MGAT4A: variants seen among roughly 807,000 people sequenced by gnomAD.
MGAT4A encodes alpha-1,3-mannosyl-glycoprotein 4-beta-N-acetylglucosaminyltransferase A.
MGAT4A carries 33 observed loss-of-function variants against 74.1 expected under a neutral mutation model. That is an observed-to-expected ratio of 0.45 (90% CI 0.34 to 0.60). MGAT4A has a LOEUF of 0.60. Among genes scored for constraint, MGAT4A ranks in the 20% least tolerant of loss-of-function variants. MGAT4A has a pLI of 0.02. For missense variants in MGAT4A, 479 were observed against 628.3 expected, an observed-to-expected ratio of 0.76 and a Z score of 2.54; for synonymous variants, 198 against 210.4, an observed-to-expected ratio of 0.94 and a Z score of 0.51.
intron 9 of MGAT4A, 114 bp from the exon 10 acceptor site, chr2:98,644,167 A>G: frequency 9.3e-7 from 1 of 1,076,148 alleles, no homozygotes. Flanking sequence ...TCAACTATAA[A>G]TCATCATAAA....
In MGAT4A at chr2:98,640,155, T is replaced by C; in HGVS notation, c.1094A>G (p.His365Arg). 6.2e-7 allele frequency: 1 copy of C among 1,613,994 alleles called. No homozygotes were observed. The highest frequency in any genetic ancestry group is 8.5e-7 in the Non-Finnish European group (1 of 1,179,982). ...RPSLFQHVGL[H>R]SSLSGKIQKL... ...TTGGATTTTTCCTGATAGTGATGAG[T>C]GCAGACCAACATGTTGGAAAAGGGA... The change falls in exon 11 of 16, where the codon CAC becomes CGC. Residue 365 changes from histidine (H) to arginine (R), a missense_variant. His to Arg is a conservative substitution (Grantham distance 29). Around this residue, in one of 3 missense-constraint regions of MGAT4A, gnomAD observed 236 missense variants for 308.2 expected, o/e 0.77. Transcript: ENST00000393487.
chr2:98,683,818 G>T (rs1300770848), intron 2 of MGAT4A, among the ~76,000 whole-genome samples: 1 of 152,120 alleles, frequency 6.6e-6, no homozygotes, highest in Non-Finnish European at 1.5e-5. Context: ...CCATGCTTTT[G>T]GAAAGTTAGC....
In MGAT4A at chr2:98,620,354, G is replaced by T. The variant is rs1701043376; in HGVS notation, c.*5212C>A. On this transcript the variant is annotated 3_prime_UTR_variant, in exon 16 of 16. Coordinates refer to ENST00000393487, the MANE Select transcript of MGAT4A (RefSeq NM_012214.3). ...TTGGAAAAGTTCCTTTTCTATAAAG[G>T]GATTGGACTGGATAAAGTTCCCTTA... 1 of 152,024 alleles carries T rather than the reference G, an allele frequency of 6.6e-6. No homozygotes were observed. The highest frequency in any genetic ancestry group is 1.5e-5 in the Non-Finnish European group (1 of 67,998). The allele number at this position is 152,024 out of a possible 1,614,324, so 9.4% of individuals were successfully genotyped here.
chr2:98,661,404 T>C (rs1701748277), intron 5 of MGAT4A, among the ~76,000 whole-genome samples: 2 of 152,152 alleles, frequency 1.3e-5, no homozygotes, highest in African/African-American at 2.4e-5. Context: ...TTGTAGAACT[T>C]AAAACTGGTG....
intron 6 of MGAT4A, among the ~76,000 whole-genome samples, chr2:98,657,425 C>T (rs953456656): frequency 1.3e-5 from 2 of 152,104 alleles, no homozygotes; most frequent in Non-Finnish European, 2.9e-5. Context: ...GAAGTCTATG[C>T]CAAATTTTGT....
intron 8 of MGAT4A, among the ~76,000 whole-genome samples, chr2:98,649,236 G>A (rs1018935229): frequency 1.2e-4 from 19 of 152,166 alleles, no homozygotes; most frequent in African/African-American, 4.3e-4. Flanking sequence ...AAGGTTATCA[G>A]ACAGTACATA....
chr2:98,644,349 C>T (rs770326738), intron 9 of MGAT4A, among the ~76,000 whole-genome samples: 6 of 152,294 alleles, frequency 3.9e-5, no homozygotes, highest in South Asian at 4.1e-4. Flanking sequence ...ATTTTCCCTT[C>T]GTGTCTTACT....
chr2:98,647,742 C>G (rs762659358), intron 8 of MGAT4A, among the ~76,000 whole-genome samples: 1 of 152,226 alleles, frequency 6.6e-6, no homozygotes, highest in South Asian at 2.1e-4. Context: ...CAATAAAGCA[C>G]TTTATGAAAC....
chr2:98,694,903 C>T (rs60889948), intron 2 of MGAT4A: 40,296 of 153,818 alleles, frequency 0.26, 5,877 homozygotes, highest in Middle Eastern at 0.33. Context: ...ACACATTTGA[C>T]AATTTGATAA....
intron 2 of MGAT4A, among the ~76,000 whole-genome samples, chr2:98,683,643 G>T (rs913722325): frequency 6.6e-6 from 1 of 152,078 alleles, no homozygotes; most frequent in African/African-American, 2.4e-5. Context: ...GGTAGAAAGG[G>T]ATAGGAGTCT....
chr2:98,648,392 T>C (rs1039230979), intron 8 of MGAT4A, among the ~76,000 whole-genome samples: 5 of 151,754 alleles, frequency 3.3e-5, no homozygotes, highest in Non-Finnish European at 7.4e-5. Context: ...CCCACCTACT[T>C]GGGAGGCTGA....
intron 2 of MGAT4A, among the ~76,000 whole-genome samples, chr2:98,692,551 T>G (rs1702209869): frequency 6.6e-6 from 1 of 152,230 alleles, no homozygotes; most frequent in African/African-American, 2.4e-5. Flanking sequence ...CACTGACTCA[T>G]CCAGAGCAAC....
intron 12 of MGAT4A, 80 bp from the exon 13 acceptor site, chr2:98,636,675 G>T: frequency 2.4e-6 from 3 of 1,250,162 alleles, no homozygotes; most frequent in South Asian, 1.2e-5. Context: ...TTACCTCAGA[G>T]TCAGCTTTTC....
In MGAT4A at chr2:98,624,698, T is replaced by C; in HGVS notation, c.*868A>G. The C allele has an allele frequency of 5.1e-6, 5 of 982,742 alleles. No individual in the cohort carries two copies. Among genetic ancestry groups the C allele is most frequent in the Middle Eastern group, 5.2e-4 (1 of 1,908 alleles). 60.9% of individuals were successfully genotyped at this position (982,742 alleles called of 1,614,324 possible). On this transcript the variant is annotated 3_prime_UTR_variant, in exon 16 of 16. Transcript: ENST00000393487. ...AAAAAGGAAAGAAGAGTTTGTCATT[T>C]TACATATCAGAGGAAATATAATAAG... is the stretch of plus-strand genomic sequence containing the variant.
chr2:98,680,082 C>T (rs1055916930), intron 2 of MGAT4A, among the ~76,000 whole-genome samples: 1 of 143,924 alleles, frequency 6.9e-6, no homozygotes, highest in Non-Finnish European at 1.5e-5. Flanking sequence ...ACTCTGTCGC[C>T]CAGGCTTGAG....
At chr2:98,721,918 T>A (rs990107133) in intron 2 of MGAT4A, among the ~76,000 whole-genome samples, 1 of 152,218 alleles carries the variant, frequency 6.6e-6, no homozygotes, top group Non-Finnish European at 1.5e-5. Context: ...GCATTAAGTA[T>A]GTATGCATAT....
intron 9 of MGAT4A, among the ~76,000 whole-genome samples, chr2:98,644,768 G>A (rs1178376471): frequency 1.3e-5 from 2 of 152,088 alleles, no homozygotes; most frequent in East Asian, 1.9e-4. Flanking sequence ...CGGGGAGCTA[G>A]GATTACAGGC....
At position 98,655,423 on chromosome 2, in the gene MGAT4A, A is replaced by T. The variant is rs1325631169; in HGVS notation, c.774+22T>A. 3 of 1,550,678 alleles carry T rather than the reference A, an allele frequency of 1.9e-6. 1 individual carries two copies. The South Asian group carries it at 3.5e-5, about 18-fold the overall frequency. On this transcript the variant is annotated intron_variant, in intron 8 of 15. Coordinates refer to ENST00000393487, the MANE Select transcript of MGAT4A (RefSeq NM_012214.3). Reference sequence around the variant, plus strand: ...CACTTTTTCTTTACAAGCATGAAAAACAAAGGAAAAACTACACTTACCTGA... The same window carrying T: ...CACTTTTTCTTTACAAGCATGAAAATCAAAGGAAAAACTACACTTACCTGA...
At chr2:98,672,601 C>T (rs1311341828) in intron 4 of MGAT4A, among the ~76,000 whole-genome samples, 1 of 152,126 alleles carries the variant, frequency 6.6e-6, no homozygotes, top group Non-Finnish European at 1.5e-5. Flanking sequence ...CTGGTAATTC[C>T]CTCTTTTCAC....
Sources: allele counts gnomAD v4.1 joint callset (sites outside exome capture counted in the v4.1 genomes callset), GRCh38; gene constraint gnomAD v4.1.1; regional missense constraint gnomAD v4.1.1; transcripts MANE v1.5; gene names NCBI Gene and HGNC (gene_info 2026-07-23, HGNC 2026-07-21).